Variants in CTNNA2 observed in about 807,000 individuals in gnomAD.
The protein encoded by CTNNA2 is catenin alpha 2.
Under a neutral mutation model 101.0 loss-of-function variants are expected in CTNNA2, and 42 were observed. That is an observed-to-expected ratio of 0.42 (90% CI 0.32 to 0.54). The LOEUF is 0.54. CTNNA2 is among the 20% of genes least tolerant of loss of function. CTNNA2 has a pLI of 0.14. For synonymous variants in CTNNA2, 450 were observed against 456.4 expected (o/e 0.99, Z 0.18); for missense variants, 871 against 1,223.1 (o/e 0.71, Z 4.29).
At chr2:79,447,870 C>T (rs1193796707) in intron 4 of CTNNA2, among the ~76,000 whole-genome samples, 1 of 152,034 alleles carries the variant, frequency 6.6e-6, no homozygotes, top group Non-Finnish European at 1.5e-5. Flanking sequence ...TTTCTGGCTG[C>T]ATTGATCTAA....
At chr2:79,904,678 G>T (rs1295440464) in intron 6 of CTNNA2, among the ~76,000 whole-genome samples, 2 of 152,122 alleles carry the variant, frequency 1.3e-5, no homozygotes, top group East Asian at 3.9e-4. Flanking sequence ...GGATCTCAAA[G>T]ACACTGCATT....
At chr2:80,304,846 C>G (rs1011886570) in intron 7 of CTNNA2, 1 of 146,380 alleles carries the variant, frequency 6.8e-6, no homozygotes, top group Admixed American at 7.9e-5. Flanking sequence ...TACCGAACCA[C>G]TAAAGTAATA....
At chr2:80,441,802 T>C (rs1271772040) in intron 9 of CTNNA2, among the ~76,000 whole-genome samples, 1 of 152,072 alleles carries the variant, frequency 6.6e-6, no homozygotes, top group Non-Finnish European at 1.5e-5. Flanking sequence ...TTAGGTAAAA[T>C]AGGAGAGGTC....
At chr2:80,281,701 C>T (rs140095172) in intron 7 of CTNNA2, among the ~76,000 whole-genome samples, 1 of 152,024 alleles carries the variant, frequency 6.6e-6, no homozygotes, top group African/African-American at 2.4e-5. Flanking sequence ...CAAATCAACA[C>T]TATGAATTTT....
At chr2:79,721,775 G>T (rs1278388301) in intron 2 of CTNNA2, among the ~76,000 whole-genome samples, 1 of 152,136 alleles carries the variant, frequency 6.6e-6, no homozygotes, top group Non-Finnish European at 1.5e-5. Flanking sequence ...ATCAGAGGAA[G>T]TCCTCATTAT....
At chr2:79,940,826 G>T (rs1387200987) in intron 7 of CTNNA2, among the ~76,000 whole-genome samples, 3 of 152,176 alleles carry the variant, frequency 2.0e-5, no homozygotes, top group Non-Finnish European at 4.4e-5. Flanking sequence ...AATATCTCAT[G>T]TAATTTATTG....
chr2:79,700,484 C>A (rs1684931341), intron 2 of CTNNA2, among the ~76,000 whole-genome samples: 1 of 152,016 alleles, frequency 6.6e-6, no homozygotes, highest in African/African-American at 2.4e-5. Context: ...CCCTTCTTCC[C>A]CAATATCAGC....
intron 7 of CTNNA2, among the ~76,000 whole-genome samples, chr2:80,297,533 G>A (rs1485074784): frequency 6.6e-6 from 1 of 152,116 alleles, no homozygotes; most frequent in African/African-American, 2.4e-5. Context: ...CCTTCACTTT[G>A]AGTAAAAAAA....
chr2:79,261,061 G>A (rs1370844421), intron 2 of CTNNA2, among the ~76,000 whole-genome samples: 2 of 152,080 alleles, frequency 1.3e-5, no homozygotes, highest in Admixed American at 6.6e-5. Flanking sequence ...GCTAAATATT[G>A]GGACCCATCA....
intron 1 of CTNNA2, among the ~76,000 whole-genome samples, chr2:79,537,662 C>T (rs1022852621): frequency 6.6e-6 from 1 of 152,090 alleles, no homozygotes; most frequent in African/African-American, 2.4e-5. Flanking sequence ...GCTTGCTGCC[C>T]GCACTATGTA....
intron 7 of CTNNA2, among the ~76,000 whole-genome samples, chr2:80,017,979 C>A (rs1164427394): frequency 6.6e-6 from 1 of 151,666 alleles, no homozygotes; most frequent in Non-Finnish European, 1.5e-5. Flanking sequence ...ATAATAGATG[C>A]AAAAAGTTTT....
At chr2:80,377,784 G>C (rs1018759977) in intron 7 of CTNNA2, among the ~76,000 whole-genome samples, 1 of 152,166 alleles carries the variant, frequency 6.6e-6, no homozygotes, top group African/African-American at 2.4e-5. Flanking sequence ...TGGCCGGATA[G>C]GTAGCTCTGG....
intron 7 of CTNNA2, among the ~76,000 whole-genome samples, chr2:79,980,497 A>G (rs561700531): frequency 1.3e-5 from 2 of 152,154 alleles, no homozygotes; most frequent in African/African-American, 4.8e-5. Flanking sequence ...CTCTGAAATT[A>G]TAGCAGTTAT....
intron 12 of CTNNA2, among the ~76,000 whole-genome samples, chr2:80,566,850 C>A (rs529603118): frequency 3.9e-5 from 6 of 152,264 alleles, no homozygotes; most frequent in African/African-American, 1.4e-4. Context: ...AGGAAAAATT[C>A]TATTTGACTT....
intron 7 of CTNNA2, among the ~76,000 whole-genome samples, chr2:79,938,469 G>C (rs1032230263): frequency 1.6e-4 from 24 of 152,230 alleles, no homozygotes; most frequent in Admixed American, 1.4e-3. Flanking sequence ...ATGTGTGTGT[G>C]TGCTTATGTG....
At chr2:79,963,172 CA>C (rs1041731345) in intron 7 of CTNNA2, among the ~76,000 whole-genome samples, 2 of 151,654 alleles carry the variant, frequency 1.3e-5, no homozygotes, top group African/African-American at 4.8e-5. Context: ...TGATAGGGTC[CA>C]ATTTACTTTT....
chr2:80,484,852 A>C (rs1312753083), intron 9 of CTNNA2, among the ~76,000 whole-genome samples: 1 of 152,008 alleles, frequency 6.6e-6, no homozygotes, highest in East Asian at 1.9e-4. Flanking sequence ...TGAAAATACA[A>C]AAAATTAGCC....
chr2:80,248,691 T>C (rs1164538117), intron 7 of CTNNA2, among the ~76,000 whole-genome samples: 1 of 152,172 alleles, frequency 6.6e-6, no homozygotes, highest in African/African-American at 2.4e-5. Context: ...GCCATCTCTC[T>C]CAGAGGTGCT....
intron 7 of CTNNA2, among the ~76,000 whole-genome samples, chr2:80,135,527 T>C (rs920642477): frequency 3.3e-5 from 5 of 152,196 alleles, no homozygotes; most frequent in African/African-American, 1.2e-4. Flanking sequence ...CACGTCTCTT[T>C]TCTGCCCTCT....
Sources: allele counts gnomAD v4.1 joint callset (sites outside exome capture counted in the v4.1 genomes callset), GRCh38; gene constraint gnomAD v4.1.1; transcripts MANE v1.5; gene names NCBI Gene and HGNC (gene_info 2026-07-23, HGNC 2026-07-21).